The following MROH2A variants were observed in gnomAD, a reference collection of about 807,000 sequenced individuals.
MROH2A encodes maestro heat-like repeat-containing protein family member 2A.
A neutral mutation model predicts 200.4 loss-of-function variants in MROH2A; 174 were observed. The ratio of observed to expected loss-of-function variants is 0.87; its 90% CI spans 0.77 to 0.98. The LOEUF (loss-of-function observed/expected upper bound fraction) is 0.98. Among genes scored for constraint, MROH2A ranks in the 50% least tolerant of loss-of-function variants. The pLI, the probability that MROH2A is intolerant of heterozygous loss-of-function variation, is 0.00. For missense variants in MROH2A, 2,045 were observed against 2,139.6 expected (o/e 0.96, Z 0.87); for synonymous variants, 829 against 840.4 (o/e 0.99, Z 0.23).
In MROH2A at chr2:233,832,178, C is replaced by T. The variant is rs1704806931; in HGVS notation, c.4736C>T (p.Thr1579Ile). 1 of 1,550,302 alleles carries T rather than the reference C, an allele frequency of 6.5e-7. No individual in the cohort carries two copies. The highest frequency in any genetic ancestry group is 2.4e-5 in the East Asian group (1 of 40,920). ...VFQTTMCSIL[T>I]RKKPAVLYRF... ...GTGTGTATCACTTACTTTTTGCAGA[C>T]TCGGAAAAAGCCGGCTGTTCTCTAC... The change falls in exon 40 of 42, where the codon ACT becomes ATT. Residue 1579 changes from threonine (T) to isoleucine (I), a missense_variant and splice_region_variant. Thr to Ile is a moderately conservative substitution (Grantham distance 89). Around this residue, in one of 3 missense-constraint regions of MROH2A, gnomAD observed 1,201 missense variants for 1,311.3 expected, o/e 0.92. Coordinates refer to ENST00000389758, the MANE Select transcript of MROH2A (RefSeq NM_001394639.1).
intron 22 of MROH2A, 79 bp downstream of exon 22, chr2:233,809,357 C>G: frequency 6.9e-7 from 1 of 1,459,532 alleles, no homozygotes; most frequent in Non-Finnish European, 9.3e-7. Flanking sequence ...CTCTGGGCTC[C>G]TGCATCCCTA....
chr2:233,785,615 T>C (rs1010718456), intron 3 of MROH2A, among the ~76,000 whole-genome samples: 3 of 152,018 alleles, frequency 2.0e-5, no homozygotes, highest in Admixed American at 1.3e-4. Flanking sequence ...ACAGGCTTTA[T>C]TGTGGTTTCT....
chr2:233,776,354 CTTTTTTT>C (rs10568441), upstream of MROH2A, among the ~76,000 whole-genome samples: 1 of 111,342 alleles, frequency 9.0e-6, no homozygotes, highest in African/African-American at 3.2e-5. Context: ...AATGTATTTA[CTTTTTTT>C]TTTTTTTTTT....
intron 28 of MROH2A, 41 bp downstream of exon 28, chr2:233,818,166 G>A: frequency 1.9e-6 from 3 of 1,546,130 alleles, no homozygotes; most frequent in South Asian, 1.2e-5. Flanking sequence ...CCTCTGGGAG[G>A]GAGAGAGGGC....
intron 6 of MROH2A, among the ~76,000 whole-genome samples, chr2:233,793,429 C>G (rs1159320160): frequency 6.6e-6 from 1 of 152,202 alleles, no homozygotes; most frequent in Non-Finnish European, 1.5e-5. Flanking sequence ...TACTCCAGGC[C>G]TCGCCCTTGA....
intron 31 of MROH2A, 121 bp from the exon 32 acceptor site, chr2:233,822,003 T>G (rs1703969107): frequency 1.0e-3 from 1,232 of 1,195,358 alleles, no homozygotes; most frequent in Middle Eastern, 1.5e-3. Context: ...TCCGCCTCCC[T>G]GAGATTCAGT....
At chr2:233,810,237 C>T (rs1187555846) in intron 22 of MROH2A, among the ~76,000 whole-genome samples, 1 of 152,168 alleles carries the variant, frequency 6.6e-6, no homozygotes, top group Non-Finnish European at 1.5e-5. Context: ...AAAGGCATAC[C>T]TGAAACTGGG....
At position 233,793,765 on chromosome 2, in the gene MROH2A, A is replaced by C; in HGVS notation, c.763A>C (p.Lys255Gln). 1 of 1,495,750 alleles carries C rather than the reference A, an allele frequency of 6.7e-7. No individual in the cohort carries two copies. The highest frequency in any genetic ancestry group is 2.7e-5 in the East Asian group (1 of 36,586). 92.7% of individuals were successfully genotyped at this position (1,495,750 alleles called of 1,614,324 possible). ...PVMTEEEFAL[K>Q]VFPMYRYFVT... ...GATGACTGAGGAGGAGTTTGCCCTG[A>C]AGGTGTTCCCCATGTATCGCTACTT... The change falls in exon 7 of 42, where the codon AAG (lysine) becomes CAG (glutamine). Residue 255 changes from lysine to glutamine, a missense_variant. Lys to Gln is a moderately conservative substitution (Grantham distance 53). Around this residue, in one of 3 missense-constraint regions of MROH2A, gnomAD observed 831 missense variants for 800.0 expected, o/e 1.04. Transcript: ENST00000389758.
At chr2:233,793,341 G>A (rs1701901450) in intron 6 of MROH2A, among the ~76,000 whole-genome samples, 1 of 152,178 alleles carries the variant, frequency 6.6e-6, no homozygotes, top group African/African-American at 2.4e-5. Flanking sequence ...AAGCCCTAGT[G>A]CCTGAGAAAA....
chr2:233,807,824 CAG>C lies in MROH2A; in HGVS notation c.2267_2268del (p.Glu756AlafsTer28), dbSNP rs1559463715. The stretch of plus-strand genomic sequence containing the variant: ...GACTTCGAGGAGAGGATCCAGGAGT[CAG>C]AGCAGTCCTGGCAGATCAGTGCTTG... On this transcript the variant is annotated frameshift_variant, in exon 21 of 42. Transcript: ENST00000389758. LOFTEE classifies it high-confidence loss of function. This position sits in a 1 kb window ranked among gnomAD's most constrained non-coding sequence, Gnocchi z 4.3. 2.6e-6 allele frequency: 4 copies of C among 1,550,980 alleles called. No homozygotes were observed. The African/African-American group carries it at 5.5e-5, about 21-fold the overall frequency.
Position 233,805,841 on chromosome 2 carries a change from G to A in MROH2A, c.2052+730G>A, listed in dbSNP as rs370527137. 1.2e-4 allele frequency among the ~76,000 whole-genome samples: 18 copies of A among 152,214 alleles called. No homozygotes were observed. The South Asian group carries it at 1.7e-3, about 14-fold the overall frequency. ...GAAAGAATAGTTTTTTTCAACAAAT[G>A]GGGCTAGGGTAACTAGAAATCCACA... On this transcript the variant is annotated intron_variant, in intron 19 of 41. Transcript: ENST00000389758.
intron 3 of MROH2A, among the ~76,000 whole-genome samples, chr2:233,784,922 C>A (rs184437856): frequency 7.9e-5 from 12 of 151,994 alleles, no homozygotes; most frequent in African/African-American, 2.9e-4. Context: ...CCAAGGCGGG[C>A]GGATCACGAG....
chr2:233,815,645 G>A (rs929770590), intron 26 of MROH2A, among the ~76,000 whole-genome samples: 8 of 152,170 alleles, frequency 5.3e-5, no homozygotes, highest in Non-Finnish European at 1.0e-4. Flanking sequence ...TTGTTGAAAA[G>A]ACTGCCCTTT....
chr2:233,812,194 A>G (rs761471919), intron 24 of MROH2A, among the ~76,000 whole-genome samples: 1 of 152,180 alleles, frequency 6.6e-6, no homozygotes, highest in Non-Finnish European at 1.5e-5. Flanking sequence ...CCTTGGATTT[A>G]TGGCACATGG....
At chr2:233,800,581 G>A (rs921738259) in intron 14 of MROH2A, among the ~76,000 whole-genome samples, 2 of 152,124 alleles carry the variant, frequency 1.3e-5, no homozygotes, top group African/African-American at 2.4e-5. Context: ...TGTATCATTT[G>A]AGCAAGTACC....
At chr2:233,797,121 G>A (rs762710791) in intron 11 of MROH2A, among the ~76,000 whole-genome samples, 3 of 152,208 alleles carry the variant, frequency 2.0e-5, no homozygotes, top group Non-Finnish European at 4.4e-5. Flanking sequence ...GTGGACTCCT[G>A]AGCATGGCTG....
At chr2:233,780,548 A>T (rs1445876552) in intron 3 of MROH2A, among the ~76,000 whole-genome samples, 2 of 152,034 alleles carry the variant, frequency 1.3e-5, no homozygotes, top group African/African-American at 4.8e-5. Flanking sequence ...AAAAAGTTTT[A>T]TTATTTTTGT....
rs948361814 is a variant in MROH2A at position 233,799,829 on chromosome 2, A to G, written c.1379A>G (p.Tyr460Cys). Residue 460 changes from tyrosine to cysteine, a missense_variant, in exon 13 of 42, where the codon TAC (tyrosine) becomes TGC (cysteine). Coordinates refer to ENST00000389758, the MANE Select transcript of MROH2A (RefSeq NM_001394639.1). ...HIIGQLALCG[Y>C]QERIKGWGLK... Reference sequence around the variant, plus strand: ...ATTGGGCAGTTGGCTCTCTGTGGCTACCAGGAGAGAATCAAAGGCTGGGGC... The same window carrying G: ...ATTGGGCAGTTGGCTCTCTGTGGCTGCCAGGAGAGAATCAAAGGCTGGGGC... The G allele has an allele frequency of 1.4e-5, 21 of 1,550,488 alleles. No homozygotes were observed. Among genetic ancestry groups the G allele is most frequent in the Non-Finnish European group, 1.6e-5 (18 of 1,146,966 alleles).
chr2:233,796,955 C>T (rs1475196431), intron 11 of MROH2A, among the ~76,000 whole-genome samples: 1 of 152,198 alleles, frequency 6.6e-6, no homozygotes, highest in East Asian at 1.9e-4. Context: ...ACAATGAAAT[C>T]CTTTTTACCT....
Sources: allele counts gnomAD v4.1 joint callset (sites outside exome capture counted in the v4.1 genomes callset), GRCh38; gene constraint gnomAD v4.1.1; regional missense constraint gnomAD v4.1.1; non-coding constraint Gnocchi (gnomAD v3.1); transcripts MANE v1.5; gene names NCBI Gene and HGNC (gene_info 2026-07-23, HGNC 2026-07-21).